ATG7: variants seen among roughly 807,000 people sequenced by gnomAD.
ATG7 encodes autophagy related 7.
In ATG7, 70 loss-of-function variants were observed where a neutral mutation model predicts 82.4. The ratio of observed to expected loss-of-function variants is 0.85; its 90% confidence interval spans 0.70 to 1.04. The LOEUF is 1.04. ATG7 is among the 50% of genes least tolerant of loss of function. ATG7 has a pLI of 0.00. For synonymous variants in ATG7, 287 were observed against 313.0 expected, an observed-to-expected ratio of 0.92 and a Z score of 0.88; for missense variants, 792 against 864.3, an observed-to-expected ratio of 0.92 and a Z score of 1.05.
At chr3:11,338,757 G>A (rs1330351510) in intron 11 of ATG7, among the ~76,000 whole-genome samples, 4 of 152,216 alleles carry the variant, frequency 2.6e-5, no homozygotes, top group Non-Finnish European at 4.4e-5. Context: ...CTGGCTTCTT[G>A]CTGTGAATGA....
At chr3:11,477,055 T>C (rs2088334265) in intron 20 of ATG7, 1 of 1,257,066 alleles carries the variant, frequency 8.0e-7, no homozygotes, top group African/African-American at 1.5e-5. Context: ...GGGCACTTGA[T>C]TATAATTATT....
At chr3:11,281,803 CAAAG>C in intron 2 of ATG7, among the ~76,000 whole-genome samples, 1 of 147,834 alleles carries the variant, frequency 6.8e-6, no homozygotes, top group South Asian at 2.1e-4. Context: ...AGAAAAGAAA[CAAAG>C]AAAAATCAAA....
At chr3:11,337,038 C>G (rs1050765437) in intron 11 of ATG7, among the ~76,000 whole-genome samples, 29 of 152,154 alleles carry the variant, frequency 1.9e-4, no homozygotes, top group African/African-American at 7.0e-4. Context: ...TGTTACAGCT[C>G]TGGCACCTGG....
At chr3:11,451,847 C>CTCCA (rs1553675350) in intron 20 of ATG7, among the ~76,000 whole-genome samples, 1 of 148,906 alleles carries the variant, frequency 6.7e-6, no homozygotes, top group African/African-American at 2.5e-5. Context: ...ATCTCTCTCT[C>CTCCA]TATATATATA....
chr3:11,284,696 C>T (rs994408976), intron 3 of ATG7, among the ~76,000 whole-genome samples: 23 of 151,984 alleles, frequency 1.5e-4, no homozygotes, highest in Admixed American at 9.8e-4. Flanking sequence ...GGACCACAGG[C>T]GTGCACCACC....
chr3:11,453,284 C>CT (rs1400830472), intron 20 of ATG7, among the ~76,000 whole-genome samples: 4 of 152,204 alleles, frequency 2.6e-5, no homozygotes, highest in Non-Finnish European at 5.9e-5. Context: ...GCTTTAGTAA[C>CT]TTTTTTTCCA....
intron 20 of ATG7, among the ~76,000 whole-genome samples, chr3:11,537,592 G>A (rs1022773375): frequency 1.3e-5 from 2 of 152,194 alleles, no homozygotes; most frequent in African/African-American, 4.8e-5. Context: ...GGGTCACAAT[G>A]AGAGTGATTA....
the ATG7 span, among the ~76,000 whole-genome samples, chr3:11,575,236 CCG>C: frequency 2.6e-5 from 4 of 152,172 alleles, no homozygotes; most frequent in African/African-American, 9.7e-5. Context: ...GGGAAGGCGG[CCG>C]CACTGAGTGC....
chr3:11,308,641 G>C, intron 6 of ATG7: 1 of 275,628 alleles, frequency 3.6e-6, no homozygotes, highest in Admixed American at 4.9e-5. Flanking sequence ...TTTTATTTCT[G>C]TAACCCTGAT....
intron 3 of ATG7, among the ~76,000 whole-genome samples, chr3:11,294,558 A>T (rs998903809): frequency 4.5e-4 from 68 of 152,174 alleles, no homozygotes; most frequent in Admixed American, 1.3e-4. Flanking sequence ...AATTATAAAA[A>T]TTCTTTCAAA....
chr3:11,391,317 A>G (rs1441179136), intron 19 of ATG7, among the ~76,000 whole-genome samples: 5 of 152,162 alleles, frequency 3.3e-5, no homozygotes, highest in Non-Finnish European at 5.9e-5. Context: ...TTATTAACCT[A>G]AATGAAGCTG....
At chr3:11,542,700 T>C (rs1217702812) in intron 20 of ATG7, among the ~76,000 whole-genome samples, 1 of 152,178 alleles carries the variant, frequency 6.6e-6, no homozygotes, top group South Asian at 2.1e-4. Flanking sequence ...TGCTCCTCCT[T>C]TAAGATGACA....
intron 20 of ATG7, among the ~76,000 whole-genome samples, chr3:11,501,577 G>A (rs938457113): frequency 9.2e-6 from 1 of 108,192 alleles, no homozygotes; most frequent in African/African-American, 3.4e-5. Flanking sequence ...TATTATGGTT[G>A]TATAGGAAAA....
intron 20 of ATG7, among the ~76,000 whole-genome samples, chr3:11,550,115 T>C (rs926892570): frequency 3.9e-5 from 6 of 152,196 alleles, no homozygotes; most frequent in Admixed American, 6.5e-5. Context: ...TAAATACAAG[T>C]TCTTTTAATA....
chr3:11,305,039 T>C (rs1166340525), intron 5 of ATG7, among the ~76,000 whole-genome samples: 1 of 152,160 alleles, frequency 6.6e-6, no homozygotes, highest in Non-Finnish European at 1.5e-5. Context: ...TAGCCAACCA[T>C]AACTCTACTT....
At chr3:11,317,736 G>A (rs547540812) in intron 9 of ATG7, among the ~76,000 whole-genome samples, 1 of 152,124 alleles carries the variant, frequency 6.6e-6, no homozygotes, top group South Asian at 2.1e-4. Context: ...GGGACTACAG[G>A]TGCGCACCAT....
At chr3:11,293,268 G>T (rs924426739) in intron 3 of ATG7, among the ~76,000 whole-genome samples, 1 of 151,128 alleles carries the variant, frequency 6.6e-6, no homozygotes, top group African/African-American at 2.4e-5. Flanking sequence ...GGTGGCTCAC[G>T]CCTGTAATCC....
the ATG7 span, among the ~76,000 whole-genome samples, chr3:11,565,260 C>T: frequency 7.9e-5 from 12 of 152,048 alleles, no homozygotes; most frequent in African/African-American, 1.9e-4. The surrounding 1 kb of genome is among the most constrained non-coding windows in gnomAD (Gnocchi z 4.1). Context: ...ATGGAGCCCC[C>T]GACTCAGTGG....
intron 19 of ATG7, among the ~76,000 whole-genome samples, chr3:11,423,469 A>C (rs2152936524): frequency 6.6e-6 from 1 of 152,248 alleles, no homozygotes; most frequent in East Asian, 1.9e-4. Flanking sequence ...CACAACTTTC[A>C]ATTTTTTTTT....
Sources: allele counts gnomAD v4.1 joint callset (sites outside exome capture counted in the v4.1 genomes callset), GRCh38; gene constraint gnomAD v4.1.1; non-coding constraint Gnocchi (gnomAD v3.1); transcripts MANE v1.5; gene names NCBI Gene and HGNC (gene_info 2026-07-23, HGNC 2026-07-21).